Variants in ENTHD1 observed in about 807,000 individuals in gnomAD.
The protein encoded by ENTHD1 is ENTH domain containing 1.
ENTHD1 carries 23 observed loss-of-function variants against 39.1 expected under a neutral mutation model. The ratio of observed to expected loss-of-function variants is 0.59; its 90% confidence interval spans 0.42 to 0.83. ENTHD1 has a LOEUF of 0.83. ENTHD1 is among the 40% of genes least tolerant of loss of function. The pLI is 0.00. For synonymous variants in ENTHD1, 230 were observed against 258.2 expected, an observed-to-expected ratio of 0.89 and a Z score of 1.05; for missense variants, 624 against 705.4, an observed-to-expected ratio of 0.88 and a Z score of 1.31.
chr22:39,879,606 A>G (rs2066320564), intron 2 of ENTHD1, among the ~76,000 whole-genome samples: 1 of 152,108 alleles, frequency 6.6e-6, no homozygotes, highest in South Asian at 2.1e-4. Flanking sequence ...GATGACCAAA[A>G]TCCAGAACAC....
chr22:39,765,592 A>G lies in ENTHD1; in HGVS notation c.850T>C (p.Ser284Pro). The G allele has an allele frequency of 1.2e-6, 2 of 1,612,352 alleles. No homozygotes were observed. The highest frequency in any genetic ancestry group is 2.2e-5 in the East Asian group (1 of 44,854). ...LSGADAVPTLSENSPSGQRDV... is the reference protein window; with the variant it reads ...LSGADAVPTLPENSPSGQRDV... ...CTCTGCCCAGAAGGACTATTTTCTG[A>G]GAGAGTAGGCACAGCATCTATAAAA... is the stretch of plus-strand genomic sequence containing the variant. Residue 284 changes from serine to proline, a missense_variant, in exon 6 of 7, where the codon TCA becomes CCA. Ser to Pro is a moderately conservative substitution (Grantham distance 74). Coordinates refer to ENST00000325157, the MANE Select transcript of ENTHD1 (RefSeq NM_152512.4).
chr22:39,854,127 A>G (rs2066065916), intron 3 of ENTHD1, among the ~76,000 whole-genome samples: 1 of 152,178 alleles, frequency 6.6e-6, no homozygotes, highest in African/African-American at 2.4e-5. Context: ...CACCGTGCAC[A>G]TCCTTGGGAA....
At chr22:39,846,029 T>C (rs1427148298) in intron 3 of ENTHD1, among the ~76,000 whole-genome samples, 1 of 152,150 alleles carries the variant, frequency 6.6e-6, no homozygotes, top group Non-Finnish European at 1.5e-5. Flanking sequence ...CATGCATTTA[T>C]GGCCAACTGA....
At chr22:39,774,743 C>T (rs771992908) in intron 5 of ENTHD1, among the ~76,000 whole-genome samples, 7 of 152,216 alleles carry the variant, frequency 4.6e-5, no homozygotes, top group Non-Finnish European at 8.8e-5. Flanking sequence ...TATTCTAAAG[C>T]TGTATGATCC....
rs75935376 is a variant in ENTHD1 at position 39,885,363 on chromosome 22, C to T, written c.349+2037G>A. On this transcript the variant is annotated intron_variant, in intron 2 of 6. Transcript: ENST00000325157. ...AAAAAAGGATAATAACAAGTGTTGG[C>T]AGGAATACAGAAAAACTGGGACATT... Among the ~76,000 whole-genome samples, 1,085 of 152,268 alleles carry T rather than the reference C, an allele frequency of 7.1e-3. 18 individuals are homozygous for T. The highest frequency in any genetic ancestry group is 0.025 in the African/African-American group (1,037 of 41,548).
At chr22:39,860,141 T>C (rs540349777) in intron 3 of ENTHD1, among the ~76,000 whole-genome samples, 28 of 152,304 alleles carry the variant, frequency 1.8e-4, no homozygotes, top group African/African-American at 6.3e-4. Context: ...GTTAGTTCCA[T>C]GATAAAAGAA....
At chr22:39,837,883 G>T (rs1008591868) in intron 3 of ENTHD1, among the ~76,000 whole-genome samples, 1 of 152,174 alleles carries the variant, frequency 6.6e-6, no homozygotes, top group Non-Finnish European at 1.5e-5. Context: ...AGACAATCAG[G>T]ACAACATCTG....
chr22:39,838,741 A>T (rs767865327), intron 3 of ENTHD1, among the ~76,000 whole-genome samples: 6 of 152,188 alleles, frequency 3.9e-5, no homozygotes, highest in Non-Finnish European at 8.8e-5. Context: ...TCAATCTAGA[A>T]GAAATATTAA....
chr22:39,840,006 G>C (rs1286889628), intron 3 of ENTHD1, among the ~76,000 whole-genome samples: 1 of 152,196 alleles, frequency 6.6e-6, no homozygotes, highest in Non-Finnish European at 1.5e-5. Context: ...TTCAGTATCA[G>C]ATAGCATAAC....
intron 6 of ENTHD1, among the ~76,000 whole-genome samples, chr22:39,756,180 G>A (rs1300508266): frequency 6.6e-6 from 1 of 152,110 alleles, no homozygotes; most frequent in Non-Finnish European, 1.5e-5. Flanking sequence ...GCCAAGCCAT[G>A]CTCTGACCAA....
chr22:39,821,885 C>T (rs970812384), intron 4 of ENTHD1, among the ~76,000 whole-genome samples: 4 of 152,294 alleles, frequency 2.6e-5, no homozygotes, highest in Admixed American at 1.3e-4. Flanking sequence ...TATAAGGGCA[C>T]TAATCATATT....
chr22:39,872,320 A>AT (rs1330998024), intron 2 of ENTHD1, among the ~76,000 whole-genome samples: 8 of 152,090 alleles, frequency 5.3e-5, no homozygotes, highest in African/African-American at 1.4e-4. Context: ...TCTTGAATGT[A>AT]TTTTTTCCAG....
In ENTHD1 at chr22:39,765,398, C is replaced by T. The variant is rs1032604983; in HGVS notation, c.1044G>A (p.Arg348=). 7 of 1,613,734 alleles carry T rather than the reference C, an allele frequency of 4.3e-6. No homozygotes were observed. Among genetic ancestry groups the T allele is most frequent in the Admixed American group, 3.3e-5 (2 of 59,916 alleles). ...GGAAAGTAGAATCTGACTTTGATAC[C>T]CTTAAGTCGGGGCTGATAAACTCCT... The part of the protein sequence containing the change: ...SKEEFISPDL[R]VSKSDSTFHN... The change falls in exon 6 of 7, where the codon AGG becomes AGA. Residue 348 remains arginine, a synonymous_variant. Coordinates refer to ENST00000325157, the MANE Select transcript of ENTHD1 (RefSeq NM_152512.4).
chr22:39,760,843 T>C (rs1277781296), intron 6 of ENTHD1, among the ~76,000 whole-genome samples: 1 of 152,108 alleles, frequency 6.6e-6, no homozygotes, highest in East Asian at 1.9e-4. Flanking sequence ...TACTGTACTA[T>C]TTCATGTAAA....
chr22:39,801,551 C>T (rs950102372), intron 5 of ENTHD1, among the ~76,000 whole-genome samples: 15 of 152,326 alleles, frequency 9.8e-5, no homozygotes, highest in Non-Finnish European at 1.8e-4. Context: ...GTAATCAACC[C>T]ATCAGAAACA....
At chr22:39,788,659 A>C (rs945280995) in intron 5 of ENTHD1, among the ~76,000 whole-genome samples, 10 of 152,204 alleles carry the variant, frequency 6.6e-5, no homozygotes, top group African/African-American at 1.9e-4. Flanking sequence ...TGTATGTAAA[A>C]TGCTACCAAA....
intron 4 of ENTHD1, among the ~76,000 whole-genome samples, chr22:39,826,948 A>C (rs2065831194): frequency 6.6e-6 from 1 of 151,766 alleles, no homozygotes; most frequent in African/African-American, 2.4e-5. Context: ...TCTTGGCTCA[A>C]GCTGTCCTGC....
chr22:39,843,425 A>C (rs2065961368), intron 3 of ENTHD1, among the ~76,000 whole-genome samples: 1 of 136,412 alleles, frequency 7.3e-6, no homozygotes, highest in Non-Finnish European at 1.6e-5. Context: ...TCACATGGAC[A>C]CAGGAAGGGG....
At chr22:39,768,518 A>G (rs1375373803) in intron 5 of ENTHD1, among the ~76,000 whole-genome samples, 1 of 152,126 alleles carries the variant, frequency 6.6e-6, no homozygotes, top group African/African-American at 2.4e-5. Context: ...TACTACTTCT[A>G]GAAGCTATTT....
Sources: allele counts gnomAD v4.1 joint callset (sites outside exome capture counted in the v4.1 genomes callset), GRCh38; gene constraint gnomAD v4.1.1; transcripts MANE v1.5; gene names NCBI Gene and HGNC (gene_info 2026-07-23, HGNC 2026-07-21).